Variants in RFFL observed in about 807,000 individuals in gnomAD.
The protein encoded by RFFL is ring finger and FYVE like domain containing E3 ubiquitin protein ligase.
RFFL carries 16 observed loss-of-function variants against 40.4 expected under a neutral mutation model. That is an observed-to-expected ratio of 0.40 (90% CI 0.27 to 0.60). The LOEUF (loss-of-function observed/expected upper bound fraction) is 0.60. Among genes scored for constraint, RFFL ranks in the 20% least tolerant of loss-of-function variants. RFFL has a pLI of 0.47. For missense variants in RFFL, 367 were observed against 451.7 expected (o/e 0.81, Z 1.70); for synonymous variants, 154 against 167.9 (o/e 0.92, Z 0.64).
intron 1 of RFFL, among the ~76,000 whole-genome samples, chr17:35,046,242 G>A (rs955808204): frequency 6.6e-6 from 1 of 152,146 alleles, no homozygotes. Context: ...GCCTGGAAGA[G>A]GAACAAGACG....
At position 35,016,284 on chromosome 17, in the gene RFFL, AT is replaced by A. The variant is rs1215861948; in HGVS notation, c.886+85del. The A allele has an allele frequency of 6.7e-6, 8 of 1,193,262 alleles. No individual in the cohort carries two copies. The Admixed American group carries it at 1.5e-4, about 22-fold the overall frequency. 73.9% of individuals were successfully genotyped at this position (1,193,262 alleles called of 1,614,324 possible). On this transcript the variant is annotated intron_variant, in intron 5 of 6. Transcript: ENST00000394597. ...CTCCTTCCATGGCTTAAGTGTGGAA[AT>A]TGAGTCAGGTCAATACCATCATGCT...
At chr17:35,085,006 T>C (rs2091422309) in intron 1 of RFFL, among the ~76,000 whole-genome samples, 1 of 152,104 alleles carries the variant, frequency 6.6e-6, no homozygotes, top group Non-Finnish European at 1.5e-5. Flanking sequence ...AATAATAAAT[T>C]ATAAAATTGA....
At chr17:35,029,586 T>C (rs1470549878) in intron 1 of RFFL, among the ~76,000 whole-genome samples, 2 of 150,358 alleles carry the variant, frequency 1.3e-5, no homozygotes, top group Non-Finnish European at 3.0e-5. Flanking sequence ...AGTGGCATGA[T>C]CTCAGCTCAC....
Position 35,063,656 on chromosome 17 carries a change from T to C in RFFL, c.-89A>G, listed in dbSNP as rs1330848391. The C allele has an allele frequency of 1.3e-5, 2 of 152,154 alleles. No individual in the cohort carries two copies. Among genetic ancestry groups the C allele is most frequent in the Non-Finnish European group, 2.9e-5 (2 of 68,042 alleles). 9.4% of individuals were successfully genotyped at this position (152,154 alleles called of 1,614,324 possible). A position where few individuals can be genotyped will look rare whatever the true frequency, so the allele number is the denominator to read the frequency against. On this transcript the variant is annotated 5_prime_UTR_variant, in exon 1 of 7. An upstream start codon of the reference 5' UTR is lost. Transcript: ENST00000394597. ...CCTGTGGCTGAGGTCGCTGGAGCCA[T>C]GTTCAGATGAGATCATCTCAGGAAC...
At chr17:35,066,699 C>T (rs545465469), upstream of RFFL, among the ~76,000 whole-genome samples, 2 of 152,278 alleles carry the variant, frequency 1.3e-5, no homozygotes, top group Admixed American at 1.3e-4. Flanking sequence ...CTAAATGATA[C>T]TGCACATTTC....
At chr17:35,042,878 T>C (rs1246795454) in intron 1 of RFFL, among the ~76,000 whole-genome samples, 3 of 143,594 alleles carry the variant, frequency 2.1e-5, no homozygotes, top group South Asian at 2.3e-4. Context: ...ACCTAAGTCA[T>C]AGAGAAGACA....
At chr17:35,084,620 T>G (rs2091420088) in intron 1 of RFFL, among the ~76,000 whole-genome samples, 1 of 146,760 alleles carries the variant, frequency 6.8e-6, no homozygotes, top group Non-Finnish European at 1.5e-5. Context: ...CTGGGTGTGG[T>G]GGCTCACACC....
chr17:35,071,346 G>A (rs1320025421), intron 1 of RFFL, among the ~76,000 whole-genome samples: 3 of 152,018 alleles, frequency 2.0e-5, no homozygotes, highest in Non-Finnish European at 2.9e-5. Context: ...GGCCCGGTGC[G>A]GTGGCTCACC....
chr17:35,031,238 C>T (rs1389331255), intron 1 of RFFL, among the ~76,000 whole-genome samples: 2 of 151,996 alleles, frequency 1.3e-5, no homozygotes, highest in African/African-American at 2.4e-5. Flanking sequence ...TCCCGAGTAG[C>T]TGGGATTACA....
At chr17:35,088,468 A>C (rs1465092456) in intron 1 of RFFL, among the ~76,000 whole-genome samples, 1 of 152,040 alleles carries the variant, frequency 6.6e-6, no homozygotes, top group Non-Finnish European at 1.5e-5. Context: ...AGACTTCCCC[A>C]TGTCTGGTCA....
upstream of RFFL, among the ~76,000 whole-genome samples, chr17:35,066,947 A>G (rs927923931): frequency 3.3e-5 from 5 of 152,096 alleles, no homozygotes; most frequent in Non-Finnish European, 7.4e-5. Context: ...ATCATCTAAT[A>G]AATCACAGAA....
chr17:35,044,889 T>G (rs1461253998), intron 1 of RFFL, among the ~76,000 whole-genome samples: 1 of 151,628 alleles, frequency 6.6e-6, no homozygotes, highest in Non-Finnish European at 1.5e-5. Flanking sequence ...TTTTTTTTTT[T>G]GAGACAGGGT....
chr17:35,080,775 G>A (rs1244897826), intron 1 of RFFL, among the ~76,000 whole-genome samples: 2 of 152,202 alleles, frequency 1.3e-5, no homozygotes, highest in Non-Finnish European at 2.9e-5. Context: ...CTGCCAAGTA[G>A]TTCAAATCCA....
Position 35,017,551 on chromosome 17 carries a change from G to GCCAC in RFFL, c.643_646dup (p.Ala216GlyfsTer7), listed in dbSNP as rs751933057. 6.2e-7 allele frequency: 1 copy of GCCAC among 1,611,294 alleles called. No individual in the cohort carries two copies. Among genetic ancestry groups the GCCAC allele is most frequent in the South Asian group, 1.1e-5 (1 of 90,326 alleles). ...GGTCTCATCCTCAGCAGGTACTCTG[G>GCCAC]CCACGCTCTCCAGGTAGACGGGTTC... On this transcript the variant is annotated frameshift_variant, in exon 4 of 7. Transcript: ENST00000394597. LOFTEE classifies it high-confidence loss of function.
intron 1 of RFFL, chr17:35,074,126 G>A (rs908672843): frequency 6.6e-6 from 1 of 152,166 alleles, no homozygotes; most frequent in African/African-American, 2.4e-5. Context: ...GCCTGAGTCA[G>A]TGTAGAAAGT....
intron 1 of RFFL, among the ~76,000 whole-genome samples, chr17:35,069,079 T>G (rs1007607760): frequency 6.6e-6 from 1 of 152,194 alleles, no homozygotes; most frequent in Non-Finnish European, 1.5e-5. Context: ...CTTGCCGCAG[T>G]AACCATACTC....
upstream of RFFL, among the ~76,000 whole-genome samples, chr17:35,065,654 C>CATGGAACTCCT (rs1479455366): frequency 1.3e-5 from 2 of 151,844 alleles, no homozygotes; most frequent in Admixed American, 1.3e-4. Flanking sequence ...AGGCCAAAGG[C>CATGGAACTCCT]ATGGAACTCC....
chr17:35,072,106 C>A (rs1444301237), intron 1 of RFFL, among the ~76,000 whole-genome samples: 1 of 151,938 alleles, frequency 6.6e-6, no homozygotes, highest in African/African-American at 2.4e-5. Flanking sequence ...CATGGTGAAA[C>A]CCTGTCTATA....
chr17:35,071,272 C>T (rs2091348811), intron 1 of RFFL, among the ~76,000 whole-genome samples: 1 of 151,574 alleles, frequency 6.6e-6, no homozygotes. Context: ...GAAACTGGAT[C>T]TCATACACTG....
Sources: allele counts gnomAD v4.1 joint callset (sites outside exome capture counted in the v4.1 genomes callset), GRCh38; gene constraint gnomAD v4.1.1; transcripts MANE v1.5; gene names NCBI Gene and HGNC (gene_info 2026-07-23, HGNC 2026-07-21).